The following ALK variants were observed in gnomAD, a reference collection of about 807,000 sequenced individuals.
The protein encoded by ALK is ALK tyrosine kinase receptor.
A neutral mutation model predicts 163.1 loss-of-function variants in ALK; 74 were observed. The observed-to-expected ratio is 0.45, with a 90% CI of 0.38 to 0.55. ALK has a LOEUF of 0.55. ALK is among the 20% of genes least tolerant of loss of function. ALK has a pLI of 0.00. For missense variants in ALK, 2,063 were observed against 2,105.3 expected, an observed-to-expected ratio of 0.98 and a Z score of 0.39; for synonymous variants, 960 against 843.2, an observed-to-expected ratio of 1.14 and a Z score of -2.40.
rs773322976 is a variant in ALK, at chr2:29,756,248, G to A, written c.668-38551C>T. On this transcript the variant is annotated intron_variant, in intron 1 of 28. Coordinates refer to ENST00000389048, the MANE Select transcript of ALK (RefSeq NM_004304.5). ...GGCTCAGCTCAAAAGTCCATTTCCC[G>A]GGAGGACCTTCCGGACCTTTTAAAT... 8.4e-4 allele frequency among the ~76,000 whole-genome samples: 128 copies of A among 152,136 alleles called. 1 individual carries two copies. The highest frequency in any genetic ancestry group is 1.6e-3 in the Non-Finnish European group (110 of 68,022).
intron 1 of ALK, among the ~76,000 whole-genome samples, chr2:29,790,647 G>A (rs563167838): frequency 6.6e-6 from 1 of 152,118 alleles, no homozygotes; most frequent in Non-Finnish European, 1.5e-5. Context: ...GCAATGGCAC[G>A]ATCTCGGCTC....
At chr2:29,464,600 T>C (rs922820551) in intron 4 of ALK, among the ~76,000 whole-genome samples, 2 of 152,008 alleles carry the variant, frequency 1.3e-5, no homozygotes, top group African/African-American at 4.8e-5. Context: ...AGATAAAAAA[T>C]ATACCGGATG....
At chr2:29,774,929 T>C (rs1681130202) in intron 1 of ALK, among the ~76,000 whole-genome samples, 1 of 152,292 alleles carries the variant, frequency 6.6e-6, no homozygotes, top group Non-Finnish European at 1.5e-5. Context: ...CGGGGATGGG[T>C]TAATGTAAAT....
At chr2:29,412,619 A>AT (rs1669751329) in intron 4 of ALK, among the ~76,000 whole-genome samples, 1 of 151,962 alleles carries the variant, frequency 6.6e-6, no homozygotes, top group African/African-American at 2.4e-5. Context: ...TAGTTTGAAA[A>AT]TTTTTTTCAG....
chr2:29,508,636 T>C (rs980329654), intron 4 of ALK, among the ~76,000 whole-genome samples: 10 of 146,634 alleles, frequency 6.8e-5, no homozygotes, highest in African/African-American at 2.3e-4. Flanking sequence ...ACATGGCACA[T>C]GTATACATAC....
At chr2:29,445,779 A>G (rs1408524391) in intron 4 of ALK, among the ~76,000 whole-genome samples, 1 of 151,858 alleles carries the variant, frequency 6.6e-6, no homozygotes, top group Non-Finnish European at 1.5e-5. Flanking sequence ...CAGACACTGC[A>G]CCATTGCACT....
chr2:29,325,326 G>C (rs908757072), intron 6 of ALK, among the ~76,000 whole-genome samples: 1 of 152,206 alleles, frequency 6.6e-6, no homozygotes, highest in African/African-American at 2.4e-5. Context: ...TGTTGGTGTT[G>C]ATTCTGGAAA....
At chr2:29,773,996 G>C (rs1202402484) in intron 1 of ALK, among the ~76,000 whole-genome samples, 2 of 152,184 alleles carry the variant, frequency 1.3e-5, no homozygotes, top group African/African-American at 4.8e-5. Flanking sequence ...AGTTCTAAAA[G>C]ATATAAATAA....
At chr2:29,602,601 G>C (rs2148215435) in intron 3 of ALK, among the ~76,000 whole-genome samples, 1 of 152,264 alleles carries the variant, frequency 6.6e-6, no homozygotes, top group East Asian at 1.9e-4. Flanking sequence ...CTGACTACCA[G>C]ACACAGAGGG....
intron 4 of ALK, among the ~76,000 whole-genome samples, chr2:29,416,070 G>A (rs1299382460): frequency 1.3e-5 from 2 of 152,224 alleles, no homozygotes; most frequent in Non-Finnish European, 2.9e-5. Flanking sequence ...GCGACATACT[G>A]TGGGACTTAT....
intron 1 of ALK, among the ~76,000 whole-genome samples, chr2:29,766,259 G>C (rs374900811): frequency 2.6e-4 from 40 of 152,218 alleles, no homozygotes; most frequent in African/African-American, 9.4e-4. Context: ...TAAACATCTG[G>C]TATGGATCCT....
At chr2:29,660,853 G>A (rs13003648) in intron 3 of ALK, among the ~76,000 whole-genome samples, 80,237 of 151,748 alleles carry the variant, frequency 0.53, 23,396 homozygotes, top group East Asian at 0.74. Flanking sequence ...GTGATTAAAC[G>A]ACCCTCCCCA....
Position 29,537,197 on chromosome 2 carries a change from T to C in ALK, c.953-5081A>G, listed in dbSNP as rs536197305. Among the ~76,000 whole-genome samples the C allele has an allele frequency of 3.9e-5, 6 of 152,328 alleles. No homozygotes were observed. The East Asian group carries it at 1.2e-3, about 29-fold the overall frequency. On this transcript the variant is annotated intron_variant, in intron 3 of 28. Coordinates refer to ENST00000389048, the MANE Select transcript of ALK (RefSeq NM_004304.5). ...TGACTAAAAGGGAGCCAAGGGCTAA[T>C]ATCCAAGACAATAAAAAAAAGATCG...
At chr2:29,894,839 CACACACACACACAA>C (rs753623662) in intron 1 of ALK, among the ~76,000 whole-genome samples, 2,282 of 144,866 alleles carry the variant, frequency 0.016, 59 homozygotes, top group African/African-American at 0.052. Context: ...TTCAAACACA[CACACACACACACAA>C]ACACACACAC....
chr2:29,468,970 C>T (rs1341114807), intron 4 of ALK, among the ~76,000 whole-genome samples: 1 of 150,208 alleles, frequency 6.7e-6, no homozygotes. Context: ...TGCAATCAGA[C>T]TTTGGCAATG....
At chr2:29,672,412 T>G (rs1420665300) in intron 3 of ALK, among the ~76,000 whole-genome samples, 1 of 147,682 alleles carries the variant, frequency 6.8e-6, no homozygotes, top group Non-Finnish European at 1.5e-5. Flanking sequence ...CACCTATGAG[T>G]GAGAATATGC....
intron 1 of ALK, among the ~76,000 whole-genome samples, chr2:29,766,735 T>C (rs1391573640): frequency 6.6e-6 from 1 of 152,156 alleles, no homozygotes; most frequent in Non-Finnish European, 1.5e-5. Context: ...TAATAAATGA[T>C]TGTTGAATAT....
intron 3 of ALK, among the ~76,000 whole-genome samples, chr2:29,658,462 T>C (rs138350613): frequency 3.9e-5 from 6 of 152,278 alleles, no homozygotes; most frequent in Non-Finnish European, 7.4e-5. Context: ...GAAATTTGAG[T>C]TAATAAATAT....
At position 29,664,953 on chromosome 2, in the gene ALK, T is replaced by C. The variant is rs752744012; in HGVS notation, c.952+29897A>G. On this transcript the variant is annotated intron_variant, in intron 3 of 28. Transcript: ENST00000389048. ...TCATTTCCCATCCTATATAAAAATC[T>C]AGCCTTCCATTGAGAACCTGGTAAA... Among the ~76,000 whole-genome samples, 21 of 152,182 alleles carry C rather than the reference T, an allele frequency of 1.4e-4. No individual in the cohort carries two copies. The South Asian group carries it at 1.5e-3, about 11-fold the overall frequency.
Sources: gnomAD v4.1 joint callset for allele counts (sites outside exome capture counted in the v4.1 genomes callset) on GRCh38, gnomAD v4.1.1 for gene constraint, MANE v1.5 for transcripts, NCBI Gene and HGNC (gene_info 2026-07-23, HGNC 2026-07-21) for gene names.